SOX5: variants seen among roughly 807,000 people sequenced by gnomAD.
The protein encoded by SOX5 is SRY-box transcription factor 5, also known as transcription factor SOX-5.
SOX5 carries 9 observed loss-of-function variants against 92.0 expected under a neutral mutation model. That is an observed-to-expected ratio of 0.10 (90% CI 0.06 to 0.17). The LOEUF (loss-of-function observed/expected upper bound fraction) is 0.17. SOX5 is among the 10% of genes least tolerant of loss of function. SOX5 has a pLI of 1.00. For missense variants in SOX5, 642 were observed against 944.5 expected (o/e 0.68, Z 4.20); for synonymous variants, 344 against 336.3 (o/e 1.02, Z -0.25).
In SOX5 at chr12:24,357,215, T is replaced by C. The variant is rs1278378915; in HGVS notation, c.-174+11348A>G. ...GGTTATTTATCTTCCTGTACCGCCA[T>C]TAACATGAAGGAGGAGAAATTTCGA... On this transcript the variant is annotated intron_variant, in intron 2 of 4. Coordinates refer to the SOX5 transcript ENST00000446891. The C allele has an allele frequency of 2.6e-5, 4 of 152,314 alleles. No individual in the cohort carries two copies. In the East Asian group the frequency reaches 7.7e-4, roughly 29 times the overall value. The allele number at this position is 152,314 out of a possible 1,614,324, so 9.4% of individuals were successfully genotyped here. A position where few individuals can be genotyped will look rare whatever the true frequency, so the allele number is the denominator to read the frequency against.
chr12:24,539,237 C>T (rs541188088), intron 1 of SOX5, among the ~76,000 whole-genome samples: 2 of 151,108 alleles, frequency 1.3e-5, no homozygotes, highest in Non-Finnish European at 2.9e-5. Flanking sequence ...TTAGAAAAGT[C>T]AAGGATACAT....
chr12:24,350,804 G>C (rs1953980527), intron 2 of SOX5, among the ~76,000 whole-genome samples: 1 of 152,172 alleles, frequency 6.6e-6, no homozygotes, highest in Admixed American at 6.5e-5. Context: ...TGTAGTCCTA[G>C]CTTTTTGGGA....
intron 2 of SOX5, among the ~76,000 whole-genome samples, chr12:23,865,145 A>G (rs2096797222): frequency 6.6e-6 from 1 of 152,232 alleles, no homozygotes; most frequent in South Asian, 2.1e-4. Flanking sequence ...CTTAGATGAC[A>G]GCATATCTGT....
intron 1 of SOX5, among the ~76,000 whole-genome samples, chr12:24,527,702 C>G (rs530055323): frequency 3.3e-5 from 5 of 152,332 alleles, no homozygotes; most frequent in African/African-American, 1.2e-4. Context: ...AGCTCAGAGT[C>G]ACACTGCATA....
At chr12:23,567,598 C>G (rs1947362968) in intron 10 of SOX5, among the ~76,000 whole-genome samples, 1 of 151,100 alleles carries the variant, frequency 6.6e-6, no homozygotes, top group Admixed American at 6.6e-5. Flanking sequence ...GTAGCTGGGA[C>G]TATGGGCACT....
At chr12:23,563,447 T>C (rs1351941411) in intron 10 of SOX5, 44 bp from the exon 11 acceptor site, 19 of 1,580,722 alleles carry the variant, frequency 1.2e-5, no homozygotes, top group Non-Finnish European at 1.6e-5. Context: ...TATAAAAGCA[T>C]GTCTAGGCTA....
intron 1 of SOX5, among the ~76,000 whole-genome samples, chr12:24,428,057 G>A (rs1966871090): frequency 6.8e-6 from 1 of 148,050 alleles, no homozygotes; most frequent in African/African-American, 2.4e-5. Flanking sequence ...TTTTTTTTGA[G>A]AAAGTTAAAA....
At chr12:24,177,461 C>T (rs773181303) in intron 4 of SOX5, among the ~76,000 whole-genome samples, 18 of 152,124 alleles carry the variant, frequency 1.2e-4, no homozygotes, top group Non-Finnish European at 2.4e-4. Flanking sequence ...AACAGAAAAT[C>T]ATAGGAGCCT....
intron 6 of SOX5, among the ~76,000 whole-genome samples, chr12:23,672,441 G>C (rs966382746): frequency 4.0e-5 from 6 of 151,858 alleles, no homozygotes; most frequent in Non-Finnish European, 8.8e-5. Flanking sequence ...CCTCCTCCCT[G>C]TCACCAAAGG....
At chr12:23,539,605 TA>T (rs35395976) in intron 13 of SOX5, among the ~76,000 whole-genome samples, 45,548 of 140,936 alleles carry the variant, frequency 0.32, 7,758 homozygotes, top group Non-Finnish European at 0.39. Context: ...TGGTCTGGCT[TA>T]AAAAAAAAAA....
intron 9 of SOX5, chr12:23,584,500 G>A (rs372021970): frequency 1.0e-5 from 13 of 1,287,502 alleles, no homozygotes; most frequent in Non-Finnish European, 1.5e-5. Flanking sequence ...CATTTATTAC[G>A]AGCTCCAATT....
At chr12:24,470,180 T>C (rs1298679449) in intron 1 of SOX5, among the ~76,000 whole-genome samples, 1 of 152,230 alleles carries the variant, frequency 6.6e-6, no homozygotes, top group Non-Finnish European at 1.5e-5. Context: ...ATTACTTTCC[T>C]ACTAATTCTA....
chr12:24,136,479 T>C (rs1468761749), intron 4 of SOX5, among the ~76,000 whole-genome samples: 1 of 152,240 alleles, frequency 6.6e-6, no homozygotes, highest in East Asian at 1.9e-4. Flanking sequence ...ACTTGGCAAT[T>C]ATTTGCCCTC....
intron 1 of SOX5, 62 bp from the exon 2 acceptor site, chr12:23,896,086 T>G: frequency 8.3e-7 from 1 of 1,203,876 alleles, no homozygotes; most frequent in African/African-American, 1.5e-5. Flanking sequence ...ATGCCGTCAT[T>G]GTGTGGTTAG....
chr12:24,348,242 G>A (rs2141136156), intron 2 of SOX5, among the ~76,000 whole-genome samples: 1 of 152,046 alleles, frequency 6.6e-6, no homozygotes, highest in African/African-American at 2.4e-5. Flanking sequence ...TGGAAATAAA[G>A]CCAAAATGTC....
At chr12:23,724,179 C>T (rs2092986913) in intron 6 of SOX5, among the ~76,000 whole-genome samples, 1 of 152,138 alleles carries the variant, frequency 6.6e-6, no homozygotes, top group African/African-American at 2.4e-5. Flanking sequence ...TAGAGATCAT[C>T]TGAATTAAAT....
intron 1 of SOX5, among the ~76,000 whole-genome samples, chr12:24,561,767 A>G (rs1954373043): frequency 6.8e-6 from 1 of 147,960 alleles, no homozygotes; most frequent in African/African-American, 2.5e-5. Flanking sequence ...AGAAAGCGAA[A>G]CAAAAAGACG....
At chr12:24,387,119 A>G (rs1199101155) in intron 1 of SOX5, among the ~76,000 whole-genome samples, 1 of 152,256 alleles carries the variant, frequency 6.6e-6, no homozygotes, top group Non-Finnish European at 1.5e-5. Context: ...CCAATTTTAG[A>G]AAACCATAAA....
intron 4 of SOX5, among the ~76,000 whole-genome samples, chr12:24,016,762 T>C (rs7953580): frequency 0.58 from 87,740 of 152,042 alleles, 27,504 homozygotes; most frequent in East Asian, 0.85. Flanking sequence ...AAAGATTTTT[T>C]TTTTTAATTG....
Sources: gnomAD v4.1 joint callset for allele counts (sites outside exome capture counted in the v4.1 genomes callset) on GRCh38, gnomAD v4.1.1 for gene constraint, MANE v1.5 for transcripts, NCBI Gene and HGNC (gene_info 2026-07-23, HGNC 2026-07-21) for gene names.